The following NOTCH2NLR variants were observed in gnomAD, a reference collection of about 807,000 sequenced individuals.
NOTCH2NLR encodes the protein notch 2 N-terminal like R, also known as notch 2 N-terminal like R (pseudogene).
NOTCH2NLR carries 33 observed loss-of-function variants against 35.6 expected under a neutral mutation model. The ratio of observed to expected loss-of-function variants is 0.93; its 90% confidence interval spans 0.70 to 1.24. The LOEUF (loss-of-function observed/expected upper bound fraction) is 1.24, where lower values mean the gene tolerates loss of function less well. Ranked by LOEUF, NOTCH2NLR falls within the 50% of genes most tolerant of loss-of-function variation. The pLI, the probability that NOTCH2NLR is intolerant of heterozygous loss-of-function variation, is 0.00. For missense variants in NOTCH2NLR, 276 were observed against 362.2 expected (o/e 0.76, Z 1.93); for synonymous variants, 103 against 141.0 (o/e 0.73, Z 1.91).
rs1413045413 is a variant in NOTCH2NLR, at chr1:120,778,583, T to G, written c.156-6391T>G. Among the ~76,000 whole-genome samples the G allele has an allele frequency of 4.8e-3, 189 of 39,602 alleles. 6 individuals are homozygous for G. The highest frequency in any genetic ancestry group is 0.032 in the Admixed American group (120 of 3,808). The allele number at this position is 39,602 out of a possible 152,430, so 26.0% of individuals were successfully genotyped here. On this transcript the variant is annotated intron_variant, in intron 2 of 4. Transcript: ENST00000624419. The stretch of plus-strand genomic sequence containing the variant: ...ATTTTGCTTTGTTGTTGTTGTTGTT[T>G]TTTTTTGAATGGCCAAATCCTCGTT...
At chr1:120,792,542 C>T (rs1651503208) in intron 3 of NOTCH2NLR, among the ~76,000 whole-genome samples, 1 of 111,568 alleles carries the variant, frequency 9.0e-6, no homozygotes, top group East Asian at 2.2e-4. Context: ...TGCTGTGTCG[C>T]CCAGGCTGGA....
chr1:120,781,750 A>C (rs1651363916), intron 2 of NOTCH2NLR, among the ~76,000 whole-genome samples: 1 of 113,532 alleles, frequency 8.8e-6, no homozygotes, highest in South Asian at 2.6e-4. Flanking sequence ...TTTTTAGTAG[A>C]GACAGGACTG....
At chr1:120,778,605 C>T (rs1229376310) in intron 2 of NOTCH2NLR, among the ~76,000 whole-genome samples, 2 of 16,256 alleles carry the variant, frequency 1.2e-4, no homozygotes, top group Non-Finnish European at 2.0e-4. Flanking sequence ...GCCAAATCCT[C>T]GTTTTAAAAA....
At chr1:120,789,972 G>A (rs1651465357) in intron 3 of NOTCH2NLR, among the ~76,000 whole-genome samples, 1 of 86,214 alleles carries the variant, frequency 1.2e-5, no homozygotes, top group African/African-American at 8.8e-5. Flanking sequence ...TTGTTAAGAA[G>A]GATCTCTTCT....
At chr1:120,782,783 G>T (rs1651381388) in intron 2 of NOTCH2NLR, among the ~76,000 whole-genome samples, 1 of 102,050 alleles carries the variant, frequency 9.8e-6, no homozygotes, top group Admixed American at 9.9e-5. Context: ...TATTATGTGG[G>T]CATATGTTTT....
chr1:120,777,529 A>G lies in NOTCH2NLR; in HGVS notation c.156-7445A>G, dbSNP rs1651312758. Reference sequence around the variant, plus strand: ...CAACTAGTAAGGCCCTAGAAAAACTACACTAGAAAGTGTGTTTTACCACAA... The same window carrying G: ...CAACTAGTAAGGCCCTAGAAAAACTGCACTAGAAAGTGTGTTTTACCACAA... On this transcript the variant is annotated intron_variant, in intron 2 of 4. Coordinates refer to ENST00000624419, the Ensembl canonical transcript of NOTCH2NLR. Among the ~76,000 whole-genome samples the G allele has an allele frequency of 2.7e-5, 3 of 109,504 alleles. 1 individual carries two copies. Among genetic ancestry groups the G allele is most frequent in the African/African-American group, 1.7e-4 (3 of 17,788 alleles). The allele number at this position is 109,504 out of a possible 152,430, so 71.8% of individuals were successfully genotyped here.
chr1:120,790,056 A>G (rs1379171084), intron 3 of NOTCH2NLR, among the ~76,000 whole-genome samples: 3 of 67,132 alleles, frequency 4.5e-5, no homozygotes, highest in East Asian at 6.2e-4. Context: ...TTGCTTTGTC[A>G]TCCAGGCTGG....
chr1:120,770,697 GC>G, intron 2 of NOTCH2NLR, among the ~76,000 whole-genome samples: 1 of 120,112 alleles, frequency 8.3e-6, no homozygotes, highest in Admixed American at 7.8e-5. Context: ...TCACTCTGTA[GC>G]TAACCTGAGA....
intron 3 of NOTCH2NLR, 24 bp downstream of exon 3, chr1:120,785,257 T>C: frequency 1.4e-6 from 2 of 1,443,190 alleles, no homozygotes; most frequent in South Asian, 2.4e-5. Context: ...CCAAAGCCAG[T>C]GCTTCCCTAC....
In NOTCH2NLR at chr1:120,764,023, C is replaced by T. The variant is rs1189844142; in HGVS notation, c.155+314C>T. Among the ~76,000 whole-genome samples, 40 of 114,412 alleles carry T rather than the reference C, an allele frequency of 3.5e-4. 7 individuals are homozygous for T. The highest frequency in any genetic ancestry group is 1.9e-3 in the Admixed American group (22 of 11,796). 75.1% of individuals were successfully genotyped at this position (114,412 alleles called of 152,430 possible). On this transcript the variant is annotated intron_variant, in intron 2 of 4. Coordinates refer to ENST00000624419, the Ensembl canonical transcript of NOTCH2NLR. ...CAGCACTTCAGGAGGCTGAGTTGGG[C>T]GAATCACGAGGTCAGGAGTTCAAGA...
rs1480170653 is a variant in NOTCH2NLR, at chr1:120,770,067, T to G, written c.155+6358T>G. On this transcript the variant is annotated intron_variant, in intron 2 of 4. Transcript: ENST00000624419. ...AAATAAGGAGATCAGTACTACTGAT[T>G]TTTTCTTTTGCCTTATGATCTAGTA... is the stretch of plus-strand genomic sequence containing the variant. 3.5e-5 allele frequency among the ~76,000 whole-genome samples: 4 copies of G among 115,940 alleles called. 2 individuals are homozygous for G. The highest frequency in any genetic ancestry group is 7.3e-5 in the Non-Finnish European group (4 of 54,504). The allele number at this position is 115,940 out of a possible 152,430, so 76.1% of individuals were successfully genotyped here.
chr1:120,756,615 C>T (rs1651083195), intron 1 of NOTCH2NLR, among the ~76,000 whole-genome samples: 1 of 117,866 alleles, frequency 8.5e-6, no homozygotes, highest in African/African-American at 5.0e-5. Flanking sequence ...AAGTAAAACA[C>T]ATTGAAGGCT....
At position 120,770,272 on chromosome 1, in the gene NOTCH2NLR, C is replaced by T. The variant is rs1356822695; in HGVS notation, c.155+6563C>T. On this transcript the variant is annotated intron_variant, in intron 2 of 4. Coordinates refer to ENST00000624419, the Ensembl canonical transcript of NOTCH2NLR. ...GCAAGCTCCGCCTCCCGGGTTCATGCCATTCTCCTGCCTCAGCCTCTCAAG... is the reference window on the plus strand; with the variant it reads ...GCAAGCTCCGCCTCCCGGGTTCATGTCATTCTCCTGCCTCAGCCTCTCAAG... Among the ~76,000 whole-genome samples the T allele has an allele frequency of 5.6e-5, 6 of 106,446 alleles. 2 individuals carry two copies. The highest frequency in any genetic ancestry group is 1.2e-4 in the African/African-American group (2 of 16,356). The allele number at this position is 106,446 out of a possible 152,430, so 69.8% of individuals were successfully genotyped here.
intron 2 of NOTCH2NLR, among the ~76,000 whole-genome samples, chr1:120,776,103 G>C (rs1651304790): frequency 8.6e-6 from 1 of 116,388 alleles, no homozygotes; most frequent in East Asian, 2.1e-4. Flanking sequence ...TTGACCTTTT[G>C]CTTCTGCACT....
intron 2 of NOTCH2NLR, among the ~76,000 whole-genome samples, chr1:120,781,112 C>CA (rs1383493170): frequency 1.4e-4 from 2 of 14,620 alleles, no homozygotes; most frequent in Admixed American, 8.5e-4. Context: ...TTATTGGGTT[C>CA]AAAAAACATG....
chr1:120,756,174 CT>C, intron 1 of NOTCH2NLR, among the ~76,000 whole-genome samples: 1 of 113,024 alleles, frequency 8.8e-6, no homozygotes, highest in Admixed American at 8.6e-5. Flanking sequence ...CTGATGTCTC[CT>C]TGTCTGCCCT....
rs1422020138 is a variant in NOTCH2NLR at position 120,733,109 on chromosome 1, ATT to A, written c.73+8863_73+8864del. 5.8e-5 allele frequency among the ~76,000 whole-genome samples: 5 copies of A among 86,112 alleles called. 1 individual carries two copies. Among genetic ancestry groups the A allele is most frequent in the Non-Finnish European group, 1.0e-4 (5 of 49,362 alleles). 56.5% of individuals were successfully genotyped at this position (86,112 alleles called of 152,430 possible). A position where few individuals can be genotyped will look rare whatever the true frequency, so the allele number is the denominator to read the frequency against. On this transcript the variant is annotated intron_variant, in intron 1 of 4. Coordinates refer to ENST00000624419, the Ensembl canonical transcript of NOTCH2NLR. ...TTAGATTTAGAAAAGCTGTTGATTT[ATT>A]TTTATATATATATATATATATGTTT...
chr1:120,763,615 T>C lies in NOTCH2NLR; in HGVS notation c.74-13T>C, dbSNP rs1299838527. 144 of 1,282,514 alleles carry C rather than the reference T, an allele frequency of 1.1e-4. 19 individuals carry two copies. Among genetic ancestry groups the C allele is most frequent in the Admixed American group, 2.6e-4 (13 of 49,386 alleles). 79.4% of individuals were successfully genotyped at this position (1,282,514 alleles called of 1,614,324 possible). A position where few individuals can be genotyped will look rare whatever the true frequency, so the allele number is the denominator to read the frequency against. ...GTGACTTACTTCTAATGTGCATTTG[T>C]TTTTATTTTTAGCATTGCAGTGTCG... On this transcript the variant is annotated splice_polypyrimidine_tract_variant and intron_variant, in intron 1 of 4. Coordinates refer to ENST00000624419, the Ensembl canonical transcript of NOTCH2NLR.
At position 120,783,621 on chromosome 1, in the gene NOTCH2NLR, C is replaced by T. The variant is rs1284739894; in HGVS notation, c.156-1353C>T. Among the ~76,000 whole-genome samples the T allele has an allele frequency of 5.9e-5, 6 of 101,320 alleles. No individual in the cohort carries two copies. In the East Asian group the frequency reaches 1.2e-3, roughly 20 times the overall value. 66.5% of individuals were successfully genotyped at this position (101,320 alleles called of 152,430 possible). ...GAGAGATGACTTCTAGAAAACTGAA[C>T]ATATGGGACTGGAACAGTGTATTTT... On this transcript the variant is annotated intron_variant, in intron 2 of 4. Transcript: ENST00000624419.
Sources: allele counts gnomAD v4.1 joint callset (sites outside exome capture counted in the v4.1 genomes callset), GRCh38; gene constraint gnomAD v4.1.1; transcripts MANE v1.5; gene names NCBI Gene and HGNC (gene_info 2026-07-23, HGNC 2026-07-21).